Variants in MARVELD2 observed in about 807,000 individuals in gnomAD.
MARVELD2 encodes MARVEL domain-containing protein 2.
In MARVELD2, 49 loss-of-function variants were observed where a neutral mutation model predicts 57.6. That is an observed-to-expected ratio of 0.85 (90% CI 0.68 to 1.08). The LOEUF (loss-of-function observed/expected upper bound fraction) is 1.08, where lower values mean the gene tolerates loss of function less well. MARVELD2 is among the 50% of genes least tolerant of loss of function. The probability of loss-of-function intolerance (pLI) is 0.00; values close to 1 mark genes in which losing one functional copy is unlikely to be tolerated. For synonymous variants in MARVELD2, 238 were observed against 258.8 expected (o/e 0.92, Z 0.77); for missense variants, 606 against 701.1 (o/e 0.86, Z 1.53).
At chr5:69,437,536 T>A (rs1190431069) in intron 5 of MARVELD2, among the ~76,000 whole-genome samples, 1 of 150,990 alleles carries the variant, frequency 6.6e-6, no homozygotes, top group Admixed American at 6.6e-5. Flanking sequence ...TACAAAAAAT[T>A]AGCCGAGCAT....
Position 69,433,093 on chromosome 5 carries a change from G to T in MARVELD2, c.1503G>T (p.Gln501His). The change falls in exon 5 of 7, where the codon CAG becomes CAT. Residue 501 changes from glutamine (Q) to histidine (H), a missense_variant and splice_region_variant. Coordinates refer to ENST00000325631, the MANE Select transcript of MARVELD2 (RefSeq NM_001038603.3). Reference sequence around the variant, plus strand: ...TGCCACATCATTCGGAAAGCCGACAGGTTAGTATGTGCAGCTGCCTAGGAG... The same window carrying T: ...TGCCACATCATTCGGAAAGCCGACATGTTAGTATGTGCAGCTGCCTAGGAG... ...SRLPHHSESR[Q>H]EHERISRIHE... is the part of the protein sequence containing the mutation. 3.1e-6 allele frequency: 5 copies of T among 1,609,054 alleles called. No homozygotes were observed. The highest frequency in any genetic ancestry group is 4.2e-6 in the Non-Finnish European group (5 of 1,176,926).
intron 3 of MARVELD2, among the ~76,000 whole-genome samples, chr5:69,431,810 C>G (rs1346620704): frequency 6.6e-6 from 1 of 151,294 alleles, no homozygotes; most frequent in Non-Finnish European, 1.5e-5. Context: ...TGTCTTCCTC[C>G]CCATTTTCTT....
intron 1 of MARVELD2, chr5:69,419,079 C>T (rs1312546209): frequency 4.4e-6 from 2 of 453,614 alleles, no homozygotes; most frequent in African/African-American, 2.0e-5. Context: ...GCGCATGCCA[C>T]AACGCCTGGC....
At chr5:69,426,960 C>T (rs149850084) in intron 3 of MARVELD2, among the ~76,000 whole-genome samples, 171 of 152,232 alleles carry the variant, frequency 1.1e-3, no homozygotes, top group African/African-American at 3.9e-3. Context: ...ACCCAGCCAG[C>T]AAGTGAACTT....
chr5:69,419,216 G>A (rs1042834094), intron 1 of MARVELD2, 155 bp from the exon 2 acceptor site: 19 of 819,958 alleles, frequency 2.3e-5, no homozygotes, highest in African/African-American at 3.4e-5. Context: ...ATGAGCCACC[G>A]TGCCCGGTAT....
chr5:69,434,870 T>C (rs918325081), intron 5 of MARVELD2, among the ~76,000 whole-genome samples: 1 of 151,926 alleles, frequency 6.6e-6, no homozygotes, highest in Admixed American at 6.6e-5. Context: ...TAATTTTGTA[T>C]TTTTAGTAGA....
intron 5 of MARVELD2, among the ~76,000 whole-genome samples, chr5:69,436,156 A>G (rs1258472791): frequency 6.6e-6 from 1 of 152,144 alleles, no homozygotes; most frequent in African/African-American, 2.4e-5. Context: ...AGGCTGTATT[A>G]ATCTATTACA....
At chr5:69,425,083 T>TGA (rs1766744354) in intron 3 of MARVELD2, among the ~76,000 whole-genome samples, 1 of 150,824 alleles carries the variant, frequency 6.6e-6, no homozygotes, top group Non-Finnish European at 1.5e-5. Context: ...GATGAATTCA[T>TGA]GTCCTTTGTA....
Position 69,420,190 on chromosome 5 carries a change from A to G in MARVELD2, c.805A>G (p.Ile269Val). The change falls in exon 2 of 7, where the codon ATT becomes GTT. Residue 269 changes from isoleucine (I) to valine (V), a missense_variant. Ile to Val is a conservative substitution (Grantham distance 29). Transcript: ENST00000325631. ...VAGLAWITTI[I>V]ILVLGMSMYY... ...TGGATTAGCTTGGATCACCACCATT[A>G]TTATTCTGGTTCTTGGCATGTCCAT... 2.1e-5 allele frequency: 34 copies of G among 1,614,008 alleles called. No individual in the cohort carries two copies. Among genetic ancestry groups the G allele is most frequent in the Non-Finnish European group, 2.9e-5 (34 of 1,180,004 alleles).
chr5:69,419,252 A>G, intron 1 of MARVELD2, 119 bp from the exon 2 acceptor site: 1 of 1,028,540 alleles, frequency 9.7e-7, no homozygotes, highest in Non-Finnish European at 1.5e-6. Context: ...TGTATATCAT[A>G]ATAATTAGAC....
At chr5:69,421,215 T>G (rs1243077953) in intron 2 of MARVELD2, among the ~76,000 whole-genome samples, 1 of 152,098 alleles carries the variant, frequency 6.6e-6, no homozygotes, top group Non-Finnish European at 1.5e-5. Flanking sequence ...AAGAATAAAA[T>G]AATAATAACT....
chr5:69,425,400 AAT>A (rs1193710887), intron 3 of MARVELD2, among the ~76,000 whole-genome samples: 2 of 143,946 alleles, frequency 1.4e-5, no homozygotes, highest in African/African-American at 4.9e-5. Context: ...ATAATAAAAA[AAT>A]ATATATATAT....
Position 69,419,493 on chromosome 5 carries a change from CAGTG to C in MARVELD2, c.111_114del (p.Glu38GlyfsTer3), listed in dbSNP as rs1766532689. 1.2e-6 allele frequency: 2 copies of C among 1,613,952 alleles called. No individual in the cohort carries two copies. The highest frequency in any genetic ancestry group is 1.3e-5 in the African/African-American group (1 of 75,032). On this transcript the variant is annotated frameshift_variant, in exon 2 of 7. Coordinates refer to ENST00000325631, the MANE Select transcript of MARVELD2 (RefSeq NM_001038603.3). LOFTEE classifies it high-confidence loss of function. ...TAAGAACCCACCCAACTCTTCATGA[CAGTG>C]AGCGGGCAGTGAGCGCTGATCCCTT...
At chr5:69,433,153 C>CTTTTTTTTTTTTTT (rs11345515) in intron 5 of MARVELD2, 60 bp downstream of exon 5, 1 of 391,878 alleles carries the variant, frequency 2.6e-6, no homozygotes, top group Non-Finnish European at 4.1e-6. Context: ...TAAAATCTGG[C>CTTTTTTTTTTTTTT]TTTTTTTTTT....
rs146385925 is a variant in MARVELD2, at chr5:69,431,983, C to T, written c.1183-544C>T. Among the ~76,000 whole-genome samples the T allele has an allele frequency of 5.2e-3, 785 of 151,254 alleles. 13 individuals carry two copies. Among genetic ancestry groups the T allele is most frequent in the African/African-American group, 0.018 (731 of 41,250 alleles). On this transcript the variant is annotated intron_variant, in intron 3 of 6. Coordinates refer to ENST00000325631, the MANE Select transcript of MARVELD2 (RefSeq NM_001038603.3). ...TCCAAGCCTCCCAAGTAGCTACTAG[C>T]GGACTACAGACACACACCGCTGCAT...
intron 3 of MARVELD2, among the ~76,000 whole-genome samples, chr5:69,426,846 A>AT (rs1293222993): frequency 1.3e-5 from 2 of 151,926 alleles, no homozygotes; most frequent in Non-Finnish European, 2.9e-5. Context: ...TTTTTAAATA[A>AT]TTTTTAGTAG....
At chr5:69,436,402 AACACACACACACACACACACACAC>A (rs66984523) in intron 5 of MARVELD2, among the ~76,000 whole-genome samples, 46 of 123,826 alleles carry the variant, frequency 3.7e-4, no homozygotes, top group African/African-American at 1.5e-4. Flanking sequence ...TATGTATGGG[AACACACACACACACACACACACAC>A]ACACACACAC....
chr5:69,423,624 ATCTC>A (rs1372954716), intron 2 of MARVELD2, among the ~76,000 whole-genome samples: 1 of 151,888 alleles, frequency 6.6e-6, no homozygotes, highest in Admixed American at 6.6e-5. Flanking sequence ...TGTCCATGTG[ATCTC>A]TCTCTCTATA....
At position 69,432,905 on chromosome 5, in the gene MARVELD2, T is replaced by C; in HGVS notation, c.1332-17T>C. ...TTAGTGAAACAATTATATCTTTGGC[T>C]TATGTTTTTCCCCTAGAAAATACCC... is the stretch of plus-strand genomic sequence containing the variant. On this transcript the variant is annotated splice_polypyrimidine_tract_variant and intron_variant, in intron 4 of 6. Transcript: ENST00000325631. 2.5e-6 allele frequency: 4 copies of C among 1,614,196 alleles called. No individual in the cohort carries two copies. Among genetic ancestry groups the C allele is most frequent in the Non-Finnish European group, 2.5e-6 (3 of 1,180,002 alleles).
Sources: gnomAD v4.1 joint callset for allele counts (sites outside exome capture counted in the v4.1 genomes callset) on GRCh38, gnomAD v4.1.1 for gene constraint, MANE v1.5 for transcripts, NCBI Gene and HGNC (gene_info 2026-07-23, HGNC 2026-07-21) for gene names.